ADAMTS17: variants seen among roughly 807,000 people sequenced by gnomAD.
The protein encoded by ADAMTS17 is ADAM metallopeptidase with thrombospondin type 1 motif 17.
ADAMTS17 carries 113 observed loss-of-function variants against 141.5 expected under a neutral mutation model. The ratio of observed to expected loss-of-function variants is 0.80; its 90% CI spans 0.69 to 0.93. The LOEUF (loss-of-function observed/expected upper bound fraction) is 0.93, where lower values mean the gene tolerates loss of function less well. Among genes scored for constraint, ADAMTS17 ranks in the 40% least tolerant of loss-of-function variants. ADAMTS17 has a pLI of 0.00. For missense variants in ADAMTS17, 1,659 were observed against 1,517.9 expected, an observed-to-expected ratio of 1.09 and a Z score of -1.54; for synonymous variants, 768 against 630.6, an observed-to-expected ratio of 1.22 and a Z score of -3.27.
At position 100,318,280 on chromosome 15, in the gene ADAMTS17, C is replaced by CTG. The variant is rs1161103199; in HGVS notation, c.616+12608_616+12609insCA. Among the ~76,000 whole-genome samples the CTG allele has an allele frequency of 2.6e-5, 4 of 152,010 alleles. No individual in the cohort carries two copies. The East Asian group carries it at 5.8e-4, about 22-fold the overall frequency. On this transcript the variant is annotated intron_variant, in intron 3 of 21. Transcript: ENST00000268070. ...CAGACAAAATCTAACACCCGCCCCC[C>CTG]CTTATAGTTTTTTAATACCAGGTAT...
chr15:100,281,285 C>T lies in ADAMTS17; in HGVS notation c.733G>A (p.Val245Met). ...ETLVVADADMVQYHGAEAAQR... is the reference protein window; with the variant it reads ...ETLVVADADMMQYHGAEAAQR... Reference sequence around the variant, plus strand: ...GCGGCCTCGGCCCCGTGGTACTGCACCATGTCGGCGTCGGCCACCACCAGG... The same window carrying T: ...GCGGCCTCGGCCCCGTGGTACTGCATCATGTCGGCGTCGGCCACCACCAGG... The change falls in exon 4 of 22, where the codon GTG (valine) becomes ATG (methionine). Residue 245 changes from valine (V) to methionine (M), a missense_variant. Transcript: ENST00000268070. 2 of 1,608,710 alleles carry T rather than the reference C, an allele frequency of 1.2e-6. No homozygotes were observed. The highest frequency in any genetic ancestry group is 1.7e-6 in the Non-Finnish European group (2 of 1,179,974).
At chr15:100,020,046 G>T (rs2061373799) in intron 18 of ADAMTS17, among the ~76,000 whole-genome samples, 1 of 151,674 alleles carries the variant, frequency 6.6e-6, no homozygotes, top group Non-Finnish European at 1.5e-5. Flanking sequence ...GTTTTCCCAG[G>T]ACAGCAGCCG....
rs2060219327 is a variant in ADAMTS17 at position 99,972,077 on chromosome 15, C to CCGTCT, written c.*2320_*2324dup. ...CCATCCTGGCTAACATGGTGAAACC[C>CCGTCT]CGTCTCTAGTAAAAATACAAAAAAG... On this transcript the variant is annotated 3_prime_UTR_variant, in exon 22 of 22. Transcript: ENST00000268070. The CCGTCT allele has an allele frequency of 6.6e-6, 1 of 152,216 alleles. No individual in the cohort carries two copies. The highest frequency in any genetic ancestry group is 2.4e-5 in the African/African-American group (1 of 41,382). The allele number at this position is 152,216 out of a possible 1,614,324, so 9.4% of individuals were successfully genotyped here.
intron 6 of ADAMTS17, 76 bp from the exon 7 acceptor site, chr15:100,254,255 C>T: frequency 1.5e-6 from 2 of 1,309,438 alleles, no homozygotes; most frequent in Admixed American, 3.4e-5. Flanking sequence ...GTGAATTAAC[C>T]TCAAGTAGTC....
intron 4 of ADAMTS17, among the ~76,000 whole-genome samples, chr15:100,279,307 C>T (rs1004529393): frequency 2.6e-5 from 4 of 152,210 alleles, no homozygotes; most frequent in African/African-American, 9.6e-5. Context: ...TGAGCTCCAG[C>T]GCTCATCACA....
At chr15:100,080,072 G>A (rs114021168) in intron 15 of ADAMTS17, among the ~76,000 whole-genome samples, 1,761 of 152,262 alleles carry the variant, frequency 0.012, 41 homozygotes, top group African/African-American at 0.041. Context: ...CCATAGCCAG[G>A]ATTCACGGTC....
chr15:100,020,428 G>T (rs768400084), intron 18 of ADAMTS17, among the ~76,000 whole-genome samples: 2 of 152,170 alleles, frequency 1.3e-5, no homozygotes, highest in Non-Finnish European at 2.9e-5. Flanking sequence ...GACTGAGCTG[G>T]CTGCCTGGGG....
At chr15:100,234,057 G>A (rs1448286441) in intron 7 of ADAMTS17, among the ~76,000 whole-genome samples, 1 of 152,194 alleles carries the variant, frequency 6.6e-6, no homozygotes, top group Non-Finnish European at 1.5e-5. Flanking sequence ...AACTGTTGAA[G>A]AGGAAGCTCC....
At chr15:99,976,861 TAAGAC>T (rs2060343897) in intron 20 of ADAMTS17, among the ~76,000 whole-genome samples, 1 of 152,174 alleles carries the variant, frequency 6.6e-6, no homozygotes. Flanking sequence ...ACTAAGATGT[TAAGAC>T]AACAGCTGAA....
At chr15:99,992,759 G>T (rs1343427817) in intron 20 of ADAMTS17, among the ~76,000 whole-genome samples, 1 of 152,196 alleles carries the variant, frequency 6.6e-6, no homozygotes, top group Non-Finnish European at 1.5e-5. Context: ...TGGCATCCAG[G>T]GCACCCGCGT....
chr15:100,330,867 T>C, intron 3 of ADAMTS17, 22 bp downstream of exon 3: 1 of 1,613,620 alleles, frequency 6.2e-7, no homozygotes, highest in Non-Finnish European at 8.5e-7. Flanking sequence ...TCTAAGCTGG[T>C]CATGCTGCTG....
chr15:100,316,901 C>G (rs2045582773), intron 3 of ADAMTS17, among the ~76,000 whole-genome samples: 1 of 152,246 alleles, frequency 6.6e-6, no homozygotes, highest in Non-Finnish European at 1.5e-5. Context: ...TAGGCCCATC[C>G]ATGGCTGTGT....
intron 15 of ADAMTS17, among the ~76,000 whole-genome samples, chr15:100,081,504 G>A (rs938463539): frequency 6.6e-6 from 1 of 152,118 alleles, no homozygotes; most frequent in African/African-American, 2.4e-5. Flanking sequence ...TGAATTATAT[G>A]GCATGTGAAT....
At chr15:100,121,947 C>G (rs887210167) in intron 12 of ADAMTS17, among the ~76,000 whole-genome samples, 3 of 152,134 alleles carry the variant, frequency 2.0e-5, no homozygotes, top group African/African-American at 7.2e-5. Context: ...TCCCTGACAT[C>G]TTAAGTGTGG....
intron 4 of ADAMTS17, among the ~76,000 whole-genome samples, chr15:100,263,877 G>A (rs866405754): frequency 5.3e-5 from 8 of 152,180 alleles, no homozygotes; most frequent in Non-Finnish European, 7.3e-5. Flanking sequence ...AGCAGCAAGC[G>A]TTAAGCACGG....
Position 99,976,140 on chromosome 15 carries a change from C to T in ADAMTS17, c.3032G>A (p.Cys1011Tyr). ...GGGGGCAGGCTTCGAGAGGGCGGGGCACTCGCTGCCGTGGCGCCCTGTGAC... is the reference window on the plus strand; with the variant it reads ...GGGGGCAGGCTTCGAGAGGGCGGGGTACTCGCTGCCGTGGCGCCCTGTGAC... The part of the protein sequence containing the change: ...HKVTGRHGSE[C>Y]PALSKPAPYR... The change falls in exon 21 of 22, where the codon TGC becomes TAC. Residue 1011 changes from cysteine (C) to tyrosine (Y), a missense_variant. Transcript: ENST00000268070. 6.4e-7 allele frequency: 1 copy of T among 1,550,950 alleles called. No individual in the cohort carries two copies. Among genetic ancestry groups the T allele is most frequent in the Non-Finnish European group, 8.7e-7 (1 of 1,146,948 alleles).
chr15:100,192,697 C>T (rs573458041), intron 8 of ADAMTS17, among the ~76,000 whole-genome samples: 1 of 152,340 alleles, frequency 6.6e-6, no homozygotes, highest in African/African-American at 2.4e-5. Context: ...CAGCACTGTG[C>T]CGGCTGGCTC....
At chr15:100,217,414 A>G (rs1228848352) in intron 7 of ADAMTS17, among the ~76,000 whole-genome samples, 1 of 152,206 alleles carries the variant, frequency 6.6e-6, no homozygotes, top group African/African-American at 2.4e-5. Context: ...CCTGGCCAAC[A>G]CGGGAAAACC....
chr15:100,249,654 C>T (rs151221938), intron 7 of ADAMTS17, among the ~76,000 whole-genome samples: 1,962 of 152,314 alleles, frequency 0.013, 33 homozygotes, highest in African/African-American at 0.045. Context: ...GTCTCCCAGC[C>T]TGGCGGCAGC....
Sources: allele counts gnomAD v4.1 joint callset (sites outside exome capture counted in the v4.1 genomes callset), GRCh38; gene constraint gnomAD v4.1.1; transcripts MANE v1.5; gene names NCBI Gene and HGNC (gene_info 2026-07-23, HGNC 2026-07-21).